The following CTTNBP2NL variants were observed in gnomAD, a reference collection of about 807,000 sequenced individuals.
The protein encoded by CTTNBP2NL is CTTNBP2 N-terminal-like protein.
CTTNBP2NL carries 16 observed loss-of-function variants against 32.5 expected under a neutral mutation model. The ratio of observed to expected loss-of-function variants is 0.49; its 90% CI spans 0.33 to 0.75. CTTNBP2NL has a LOEUF of 0.75. Among genes scored for constraint, CTTNBP2NL ranks in the 30% least tolerant of loss-of-function variants. The probability of loss-of-function intolerance (pLI) is 0.02; values close to 1 mark genes in which losing one functional copy is unlikely to be tolerated. For missense variants in CTTNBP2NL, 645 were observed against 756.0 expected (o/e 0.85, Z 1.72); for synonymous variants, 298 against 289.4 (o/e 1.03, Z -0.30).
At chr1:112,425,956 CGTGTGTGTGTGTGTGTGTGTGT>C (rs376135147) in intron 3 of CTTNBP2NL, among the ~76,000 whole-genome samples, 3 of 119,764 alleles carry the variant, frequency 2.5e-5, no homozygotes, top group East Asian at 4.8e-4. Flanking sequence ...ATCTGGATGC[CGTGTGTGTGTGTGTGTGTGTGT>C]GTGTGTGTGT....
At chr1:112,405,584 C>T (rs528711621) in intron 1 of CTTNBP2NL, among the ~76,000 whole-genome samples, 6 of 152,148 alleles carry the variant, frequency 3.9e-5, no homozygotes, top group South Asian at 2.1e-4. Context: ...ATGCGTGAGC[C>T]GCTGCACCCA....
rs1046995996 is a variant in CTTNBP2NL at position 112,442,113 on chromosome 1, ATGTTTTT to A, written c.100-6815_100-6809del. Among the ~76,000 whole-genome samples, 77 of 152,194 alleles carry A rather than the reference ATGTTTTT, an allele frequency of 5.1e-4. 1 individual carries two copies. The highest frequency in any genetic ancestry group is 2.7e-3 in the Admixed American group (41 of 15,290). On this transcript the variant is annotated intron_variant, in intron 3 of 5. Coordinates refer to ENST00000271277, the MANE Select transcript of CTTNBP2NL (RefSeq NM_018704.3). ...GAACCCAAAAGTGCTCTAAAAAATA[ATGTTTTT>A]TGTTTTTTGTTTTGTTTTGTTTTGA... is the stretch of plus-strand genomic sequence containing the variant.
Position 112,436,099 on chromosome 1 carries a change from C to CTTGTTTGT in CTTNBP2NL, c.100-12827_100-12820dup, listed in dbSNP as rs550920247. 2.5e-5 allele frequency among the ~76,000 whole-genome samples: 3 copies of CTTGTTTGT among 117,778 alleles called. No individual in the cohort carries two copies. The Admixed American group carries it at 2.7e-4, about 11-fold the overall frequency. The allele number at this position is 117,778 out of a possible 152,430, so 77.3% of individuals were successfully genotyped here. On this transcript the variant is annotated intron_variant, in intron 3 of 5. Transcript: ENST00000271277. ...TTTTTTTTGTCCTGTTTTATTGTTGCTTGTTTGTTTGTTTGTTTGTTTGGC... is the reference window on the plus strand; with the variant it reads ...TTTTTTTTGTCCTGTTTTATTGTTGCTTGTTTGTTTGTTTGTTTGTTTGTTTGTTTGGC...
chr1:112,436,039 T>G (rs1447529933), intron 3 of CTTNBP2NL, among the ~76,000 whole-genome samples: 1 of 142,376 alleles, frequency 7.0e-6, no homozygotes, highest in Non-Finnish European at 1.5e-5. Context: ...CCTCCATTTC[T>G]CCTGTGATTT....
chr1:112,414,401 C>T (rs976023338), intron 2 of CTTNBP2NL, among the ~76,000 whole-genome samples: 2 of 152,078 alleles, frequency 1.3e-5, no homozygotes, highest in Non-Finnish European at 1.5e-5. Flanking sequence ...GAGGTTACAT[C>T]GAAGATGTTT....
intron 3 of CTTNBP2NL, among the ~76,000 whole-genome samples, chr1:112,440,380 A>G (rs1050735178): frequency 5.3e-5 from 8 of 152,228 alleles, no homozygotes; most frequent in Admixed American, 2.6e-4. Context: ...CATGTTTATC[A>G]TAGCTTAAAT....
chr1:112,413,415 C>G (rs1350729703), intron 2 of CTTNBP2NL, among the ~76,000 whole-genome samples: 1 of 152,122 alleles, frequency 6.6e-6, no homozygotes, highest in Middle Eastern at 3.2e-3. Context: ...AATAATGAAA[C>G]CAGGTATCAG....
At chr1:112,393,964 T>G (rs1245861054), upstream of CTTNBP2NL, among the ~76,000 whole-genome samples, 2 of 152,002 alleles carry the variant, frequency 1.3e-5, no homozygotes, top group Non-Finnish European at 2.9e-5. Context: ...CCCAGCCACT[T>G]TGGGAGGCCA....
At position 112,456,358 on chromosome 1, in the gene CTTNBP2NL, A is replaced by G. The variant is rs937097060; in HGVS notation, c.866A>G (p.Gln289Arg). ...CACCAGCACAGTAGCCCTAATGAGC[A>G]ATTGAAGAAACCAGTAACCGTGTCC... ...ASHQHSSPNE[Q>R]LKKPVTVSKG... Residue 289 changes from glutamine to arginine, a missense_variant, in exon 6 of 6, where the codon CAA (glutamine) becomes CGA (arginine). Gln to Arg is a conservative substitution (Grantham distance 43). Coordinates refer to ENST00000271277, the MANE Select transcript of CTTNBP2NL (RefSeq NM_018704.3). 6.2e-7 allele frequency: 1 copy of G among 1,613,964 alleles called. No individual in the cohort carries two copies. The highest frequency in any genetic ancestry group is 1.3e-5 in the African/African-American group (1 of 74,936).
At chr1:112,420,070 C>A (rs1441467009) in intron 3 of CTTNBP2NL, among the ~76,000 whole-genome samples, 3 of 151,450 alleles carry the variant, frequency 2.0e-5, no homozygotes, top group African/African-American at 7.3e-5. Context: ...TATTCATAAC[C>A]TTTATTATAA....
At chr1:112,434,852 GTA>G (rs1349675880) in intron 3 of CTTNBP2NL, among the ~76,000 whole-genome samples, 2 of 151,980 alleles carry the variant, frequency 1.3e-5, no homozygotes, top group African/African-American at 4.8e-5. Context: ...CACATAAAAA[GTA>G]TGTCCAGGCT....
At chr1:112,422,776 T>C (rs1425404075) in intron 3 of CTTNBP2NL, among the ~76,000 whole-genome samples, 3 of 152,134 alleles carry the variant, frequency 2.0e-5, no homozygotes, top group Non-Finnish European at 2.9e-5. Flanking sequence ...CTCTGTATTA[T>C]GTTTTTTTGT....
upstream of CTTNBP2NL, among the ~76,000 whole-genome samples, chr1:112,392,377 C>G (rs1648208833): frequency 1.3e-5 from 2 of 152,166 alleles, no homozygotes; most frequent in South Asian, 4.1e-4. Flanking sequence ...ATTAATGTAT[C>G]TAGCATATAT....
intron 3 of CTTNBP2NL, among the ~76,000 whole-genome samples, chr1:112,432,066 ATTTTTTT>A (rs11440212): frequency 3.6e-3 from 329 of 91,050 alleles, no homozygotes; most frequent in African/African-American, 0.014. Flanking sequence ...ATATATTTTG[ATTTTTTT>A]TTTTTTTTTT....
At chr1:112,422,134 T>C (rs1281527384) in intron 3 of CTTNBP2NL, among the ~76,000 whole-genome samples, 1 of 152,178 alleles carries the variant, frequency 6.6e-6, no homozygotes, top group Non-Finnish European at 1.5e-5. Flanking sequence ...CCTGCTCAAC[T>C]TTCCCCACTA....
At chr1:112,422,176 GCTTT>G (rs1649252046) in intron 3 of CTTNBP2NL, among the ~76,000 whole-genome samples, 1 of 151,902 alleles carries the variant, frequency 6.6e-6, no homozygotes, top group Non-Finnish European at 1.5e-5. Flanking sequence ...CCACTGATCT[GCTTT>G]CTGTCATCAG....
At chr1:112,433,381 G>A (rs1269845733) in intron 3 of CTTNBP2NL, among the ~76,000 whole-genome samples, 1 of 152,178 alleles carries the variant, frequency 6.6e-6, no homozygotes, top group African/African-American at 2.4e-5. Flanking sequence ...ATTACTTGAG[G>A]TCAGGAGTTT....
intron 3 of CTTNBP2NL, among the ~76,000 whole-genome samples, chr1:112,426,806 A>G (rs560601539): frequency 6.6e-6 from 1 of 152,170 alleles, no homozygotes; most frequent in Admixed American, 6.5e-5. Flanking sequence ...AGGTTTCACC[A>G]TATTGGCCAG....
chr1:112,422,236 G>A (rs185126956), intron 3 of CTTNBP2NL, among the ~76,000 whole-genome samples: 185 of 152,176 alleles, frequency 1.2e-3, no homozygotes, highest in African/African-American at 4.1e-3. Flanking sequence ...GAATCATATG[G>A]AATATACTCT....
Sources: allele counts gnomAD v4.1 joint callset (sites outside exome capture counted in the v4.1 genomes callset), GRCh38; gene constraint gnomAD v4.1.1; transcripts MANE v1.5; gene names NCBI Gene and HGNC (gene_info 2026-07-23, HGNC 2026-07-21).